The following MS4A6E variants were observed in gnomAD, a reference collection of about 807,000 sequenced individuals.
MS4A6E encodes the protein membrane spanning 4-domains A6E.
MS4A6E carries 8 observed loss-of-function variants against 13.2 expected under a neutral mutation model. The observed-to-expected ratio is 0.60, with a 90% CI of 0.35 to 1.09. The LOEUF is 1.09. MS4A6E is among the 50% of genes least tolerant of loss of function. The pLI is 0.02. For synonymous variants in MS4A6E, 72 were observed against 67.6 expected, an observed-to-expected ratio of 1.06 and a Z score of -0.32; for missense variants, 177 against 171.1, an observed-to-expected ratio of 1.03 and a Z score of -0.19.
At chr11:60,348,390 G>C (rs539426633) in intron 4 of MS4A6E, among the ~76,000 whole-genome samples, 24 of 152,276 alleles carry the variant, frequency 1.6e-4, no homozygotes, top group African/African-American at 5.3e-4. Context: ...GAGACCTTCT[G>C]CTCCTAGAAA....
intron 1 of MS4A6E, among the ~76,000 whole-genome samples, chr11:60,329,583 G>A (rs1025054716): frequency 6.6e-6 from 1 of 152,106 alleles, no homozygotes; most frequent in African/African-American, 2.4e-5. Flanking sequence ...CTTCCACAAT[G>A]GTTGAATTAA....
At chr11:60,346,908 T>C (rs1285185766) in intron 4 of MS4A6E, among the ~76,000 whole-genome samples, 1 of 152,204 alleles carries the variant, frequency 6.6e-6, no homozygotes, top group East Asian at 1.9e-4. Context: ...CATCCCTCCA[T>C]GCGAGGTCAA....
downstream of MS4A6E, among the ~76,000 whole-genome samples, chr11:60,342,057 T>C (rs1191752050): frequency 1.3e-5 from 2 of 151,992 alleles, no homozygotes; most frequent in African/African-American, 4.8e-5. Flanking sequence ...TAACTGTTAT[T>C]TGAGCACAGA....
At chr11:60,328,815 T>C (rs1167616964) in intron 1 of MS4A6E, among the ~76,000 whole-genome samples, 1 of 152,078 alleles carries the variant, frequency 6.6e-6, no homozygotes, top group Non-Finnish European at 1.5e-5. Context: ...GGTCAAAAGA[T>C]ACAAAGTGAA....
intron 4 of MS4A6E, among the ~76,000 whole-genome samples, chr11:60,348,823 G>T (rs2085266994): frequency 6.6e-6 from 1 of 152,204 alleles, no homozygotes; most frequent in Non-Finnish European, 1.5e-5. Context: ...AACAGCAGGT[G>T]GTTTGCCCTA....
chr11:60,348,294 T>C (rs573475027), intron 4 of MS4A6E, among the ~76,000 whole-genome samples: 2 of 152,154 alleles, frequency 1.3e-5, no homozygotes, highest in Non-Finnish European at 2.9e-5. Flanking sequence ...AGTGAGAGGA[T>C]TCTTATTCCA....
At chr11:60,335,718 T>C (rs1455604497) in intron 2 of MS4A6E, 4 of 391,648 alleles carry the variant, frequency 1.0e-5, no homozygotes, top group Non-Finnish European at 2.0e-5. Context: ...TGTACAATCA[T>C]ATGGGTTTCT....
In MS4A6E at chr11:60,337,840, T is replaced by A. The variant is rs140696222; in HGVS notation, c.247T>A (p.Leu83Met). 6.2e-7 allele frequency: 1 copy of A among 1,614,198 alleles called. No individual in the cohort carries two copies. Among genetic ancestry groups the A allele is most frequent in the Non-Finnish European group, 8.5e-7 (1 of 1,180,038 alleles). ...CCCGGCTGCATTAAATCCTGCCTCA[T>A]TGCAGTGTAAGTTGGACGAAAAGGA... is the stretch of plus-strand genomic sequence containing the variant. ...VNPAALNPAS[L>M]QCKLDEKDIP... Residue 83 changes from leucine to methionine, a missense_variant, in exon 3 of 5, where the codon TTG (leucine) becomes ATG (methionine). Transcript: ENST00000684409.
intron 1 of MS4A6E, among the ~76,000 whole-genome samples, chr11:60,333,197 C>G (rs1590773563): frequency 6.6e-6 from 1 of 152,182 alleles, no homozygotes; most frequent in Non-Finnish European, 1.5e-5. Flanking sequence ...ACTAATGTAT[C>G]CAATGCAGAT....
At chr11:60,348,659 C>T (rs987637472) in intron 4 of MS4A6E, among the ~76,000 whole-genome samples, 26 of 152,180 alleles carry the variant, frequency 1.7e-4, no homozygotes, top group Admixed American at 8.5e-4. Context: ...GTAACCCTGG[C>T]GAGAAATCCT....
downstream of MS4A6E, among the ~76,000 whole-genome samples, chr11:60,342,207 G>A (rs1227894783): frequency 7.0e-6 from 1 of 143,632 alleles, no homozygotes; most frequent in African/African-American, 2.7e-5. Context: ...GAGAGGGGGG[G>A]GGAGAGAAAG....
chr11:60,333,134 G>A (rs4477457), intron 1 of MS4A6E, among the ~76,000 whole-genome samples: 54,432 of 152,110 alleles, frequency 0.36, 10,255 homozygotes, highest in East Asian at 0.41. Flanking sequence ...TCCCTTGAAT[G>A]CTGGAATAGT....
At chr11:60,348,714 C>T (rs1200989040) in intron 4 of MS4A6E, among the ~76,000 whole-genome samples, 1 of 152,240 alleles carries the variant, frequency 6.6e-6, no homozygotes, top group African/African-American at 2.4e-5. Context: ...CAGCTAGGTA[C>T]TCCATGAAGA....
rs1298760986 is a variant in MS4A6E at position 60,334,905 on chromosome 11, C to A, written c.10C>A (p.Gln4Lys). 1 of 1,614,002 alleles carries A rather than the reference C, an allele frequency of 6.2e-7. No individual in the cohort carries two copies. The highest frequency in any genetic ancestry group is 1.6e-4 in the Middle Eastern group (1 of 6,062). Residue 4 changes from glutamine to lysine, a missense_variant, in exon 2 of 5, where the codon CAA (glutamine) becomes AAA (lysine). Coordinates refer to ENST00000684409, the MANE Select transcript of MS4A6E (RefSeq NM_139249.4). Reference sequence around the variant, plus strand: ...AGTTGGCAACACCATTATGACATCACAACCTATTTCCAATGAGACCATCAT... The same window carrying A: ...AGTTGGCAACACCATTATGACATCAAAACCTATTTCCAATGAGACCATCAT... MTS[Q>K]PISNETIIML...
chr11:60,334,981 C>T lies in MS4A6E; in HGVS notation c.86C>T (p.Pro29Leu). The T allele has an allele frequency of 2.5e-6, 4 of 1,614,166 alleles. No individual in the cohort carries two copies. The highest frequency in any genetic ancestry group is 1.1e-5 in the South Asian group (1 of 91,076). Residue 29 changes from proline (P) to leucine (L), a missense_variant, in exon 2 of 5, where the codon CCC becomes CTC. Coordinates refer to ENST00000684409, the MANE Select transcript of MS4A6E (RefSeq NM_139249.4). Reference protein sequence around the residue: ...INFSQAEKPEPTNQGQDSLKK... With the variant: ...INFSQAEKPELTNQGQDSLKK... ...TTCTCCCAAGCAGAGAAACCCGAACCCACCAACCAGGGGCAGGATAGCCTG... is the reference window on the plus strand; with the variant it reads ...TTCTCCCAAGCAGAGAAACCCGAACTCACCAACCAGGGGCAGGATAGCCTG...
intron 1 of MS4A6E, among the ~76,000 whole-genome samples, chr11:60,327,754 G>A (rs538301937): frequency 1.2e-4 from 18 of 152,222 alleles, no homozygotes; most frequent in African/African-American, 2.2e-4. Flanking sequence ...GGGGCCAGGC[G>A]CAGTGGTTCA....
chr11:60,337,284 A>G (rs2085193637), intron 2 of MS4A6E, among the ~76,000 whole-genome samples: 1 of 152,178 alleles, frequency 6.6e-6, no homozygotes, highest in Admixed American at 6.5e-5. Context: ...AGTAGTGGCA[A>G]AACCCAAAAT....
intron 4 of MS4A6E, among the ~76,000 whole-genome samples, chr11:60,348,307 G>GC (rs1431938535): frequency 1.3e-5 from 2 of 152,158 alleles, no homozygotes; most frequent in Non-Finnish European, 2.9e-5. Flanking sequence ...TTATTCCACT[G>GC]GGTGATGCTG....
downstream of MS4A6E, among the ~76,000 whole-genome samples, chr11:60,344,383 A>G (rs536431279): frequency 2.0e-5 from 3 of 152,208 alleles, no homozygotes; most frequent in East Asian, 5.8e-4. Flanking sequence ...ATAGCTTCCT[A>G]TTCTTTGGGT....
Sources: gnomAD v4.1 joint callset for allele counts (sites outside exome capture counted in the v4.1 genomes callset) on GRCh38, gnomAD v4.1.1 for gene constraint, MANE v1.5 for transcripts, NCBI Gene and HGNC (gene_info 2026-07-23, HGNC 2026-07-21) for gene names.